TBC1D19: variants seen among roughly 807,000 people sequenced by gnomAD.
TBC1D19 encodes the protein TBC1 domain family, member 19.
In TBC1D19, 60 loss-of-function variants were observed where a neutral mutation model predicts 89.0. The ratio of observed to expected loss-of-function variants is 0.67; its 90% confidence interval spans 0.55 to 0.84. The LOEUF is 0.84. Ranked by LOEUF, TBC1D19 falls within the 40% of genes least tolerant of loss-of-function variation. The pLI is 0.00. For missense variants in TBC1D19, 500 were observed against 610.8 expected, an observed-to-expected ratio of 0.82 and a Z score of 1.91; for synonymous variants, 189 against 199.7, an observed-to-expected ratio of 0.95 and a Z score of 0.45.
chr4:26,799,712 C>A, the TBC1D19 span, among the ~76,000 whole-genome samples: 16 of 152,236 alleles, frequency 1.1e-4, no homozygotes, highest in East Asian at 2.9e-3. Context: ...AGGAATAGGC[C>A]CTCACCAAAC....
chr4:26,691,930 G>A (rs1339298633), intron 13 of TBC1D19, among the ~76,000 whole-genome samples: 1 of 152,150 alleles, frequency 6.6e-6, no homozygotes, highest in East Asian at 1.9e-4. Flanking sequence ...TCCTCAGCAG[G>A]AAACTGTAAC....
At chr4:26,707,169 A>G (rs114442814) in intron 13 of TBC1D19, among the ~76,000 whole-genome samples, 194 of 152,008 alleles carry the variant, frequency 1.3e-3, no homozygotes, top group African/African-American at 4.2e-3. Flanking sequence ...AGAATTGTCT[A>G]TATCTCCTTT....
intron 14 of TBC1D19, among the ~76,000 whole-genome samples, chr4:26,719,116 T>A (rs1356669296): frequency 6.6e-6 from 1 of 152,076 alleles, no homozygotes; most frequent in African/African-American, 2.4e-5. Flanking sequence ...TTAGCAAATA[T>A]ACCCTAATGT....
At chr4:26,601,145 A>G (rs1465369850) in intron 1 of TBC1D19, among the ~76,000 whole-genome samples, 1 of 151,524 alleles carries the variant, frequency 6.6e-6, no homozygotes, top group Admixed American at 6.6e-5. Context: ...ATATATATAT[A>G]CATATATACA....
chr4:26,770,738 A>G, the TBC1D19 span, among the ~76,000 whole-genome samples: 23 of 152,212 alleles, frequency 1.5e-4, no homozygotes, highest in African/African-American at 4.1e-4. Context: ...GGTCTCAACA[A>G]TTTTACAAGG....
In TBC1D19 at chr4:26,591,346, C is replaced by T. The variant is rs77822818; in HGVS notation, c.99+7054C>T. 2.0e-5 allele frequency among the ~76,000 whole-genome samples: 3 copies of T among 151,984 alleles called. No homozygotes were observed. In the East Asian group the frequency reaches 5.8e-4, roughly 29 times the overall value. On this transcript the variant is annotated intron_variant, in intron 1 of 20. Transcript: ENST00000264866. ...CAAATTTTAGCACTTATGAATAAAA[C>T]TGCTATAGGGAGCTGAGATCGCACC...
intron 1 of TBC1D19, among the ~76,000 whole-genome samples, chr4:26,590,504 A>G (rs1481244299): frequency 1.3e-5 from 2 of 152,200 alleles, no homozygotes; most frequent in East Asian, 1.9e-4. Flanking sequence ...TTTATTTGCC[A>G]TAAGAGTGTT....
downstream of TBC1D19, among the ~76,000 whole-genome samples, chr4:26,759,185 C>T (rs1205605655): frequency 1.3e-5 from 2 of 152,202 alleles, no homozygotes; most frequent in Non-Finnish European, 1.5e-5. Context: ...CTTTCACTCC[C>T]ACTAGACTGT....
At chr4:26,767,982 G>A in the TBC1D19 span, among the ~76,000 whole-genome samples, 1 of 152,130 alleles carries the variant, frequency 6.6e-6, no homozygotes, top group Non-Finnish European at 1.5e-5. Context: ...GAAGAGATGG[G>A]ATTAGGAGTT....
chr4:26,820,802 T>C, the TBC1D19 span, among the ~76,000 whole-genome samples: 3 of 152,228 alleles, frequency 2.0e-5, no homozygotes, highest in Non-Finnish European at 2.9e-5. Context: ...CTGTTTACTT[T>C]TCACCATAGC....
Position 26,631,930 on chromosome 4 carries a change from G to A in TBC1D19, c.295-5281G>A, listed in dbSNP as rs549402858. ...GTTTTCTCTATATATTACATCTAATGTTAAATTTAGAGTTGGTAAATTGAA... is the reference window on the plus strand; with the variant it reads ...GTTTTCTCTATATATTACATCTAATATTAAATTTAGAGTTGGTAAATTGAA... On this transcript the variant is annotated intron_variant, in intron 4 of 20. Transcript: ENST00000264866. 6.6e-5 allele frequency among the ~76,000 whole-genome samples: 10 copies of A among 152,138 alleles called. No homozygotes were observed. In the South Asian group the frequency reaches 2.1e-3, roughly 32 times the overall value.
At chr4:26,803,418 G>A in the TBC1D19 span, among the ~76,000 whole-genome samples, 1 of 152,062 alleles carries the variant, frequency 6.6e-6, no homozygotes, top group Non-Finnish European at 1.5e-5. Context: ...GGCTTGAATC[G>A]GAACCATTCC....
chr4:26,652,467 T>G (rs1409706746), intron 7 of TBC1D19, among the ~76,000 whole-genome samples: 1 of 152,160 alleles, frequency 6.6e-6, no homozygotes, highest in Non-Finnish European at 1.5e-5. Context: ...CTCGAACTCC[T>G]GGGCTCAAGC....
At chr4:26,812,448 C>T in the TBC1D19 span, among the ~76,000 whole-genome samples, 1 of 152,190 alleles carries the variant, frequency 6.6e-6, no homozygotes, top group Non-Finnish European at 1.5e-5. This position sits in a 1 kb window ranked among gnomAD's most constrained non-coding sequence, Gnocchi z 4.2. Context: ...CACTGCTCAC[C>T]TGGGCATTCC....
At chr4:26,854,596 G>A in the TBC1D19 span, among the ~76,000 whole-genome samples, 17 of 152,316 alleles carry the variant, frequency 1.1e-4, no homozygotes, top group East Asian at 5.8e-4. Flanking sequence ...TCCTTGGAGC[G>A]TGACTTGTTG....
intron 1 of TBC1D19, among the ~76,000 whole-genome samples, chr4:26,604,998 C>T (rs941775275): frequency 3.3e-5 from 5 of 151,962 alleles, no homozygotes; most frequent in African/African-American, 1.2e-4. Context: ...ATTACTGAAT[C>T]ATATGAACTC....
chr4:26,669,770 A>G lies in TBC1D19; in HGVS notation c.665-2379A>G, dbSNP rs138188672. Among the ~76,000 whole-genome samples, 975 of 151,958 alleles carry G rather than the reference A, an allele frequency of 6.4e-3. 9 individuals carry two copies. The highest frequency in any genetic ancestry group is 0.022 in the African/African-American group (934 of 41,550). Reference sequence around the variant, plus strand: ...TTATTCAACTATTCTTTATTCATTCAGTGAAAATTATGAATATAAAACATT... The same window carrying G: ...TTATTCAACTATTCTTTATTCATTCGGTGAAAATTATGAATATAAAACATT... On this transcript the variant is annotated intron_variant, in intron 9 of 20. Transcript: ENST00000264866.
the TBC1D19 span, among the ~76,000 whole-genome samples, chr4:26,782,167 T>A: frequency 5.9e-5 from 9 of 152,124 alleles, no homozygotes; most frequent in African/African-American, 2.2e-4. Context: ...CAGGATGGAC[T>A]CCCCCCAACC....
chr4:26,682,707 C>T (rs111367783), intron 11 of TBC1D19, among the ~76,000 whole-genome samples: 1 of 152,196 alleles, frequency 6.6e-6, no homozygotes, highest in Non-Finnish European at 1.5e-5. Flanking sequence ...CTCTTGTTAG[C>T]ATAACTATTA....
Sources: gnomAD v4.1 joint callset for allele counts (sites outside exome capture counted in the v4.1 genomes callset) on GRCh38, gnomAD v4.1.1 for gene constraint, Gnocchi (gnomAD v3.1) non-coding constraint, MANE v1.5 for transcripts, NCBI Gene and HGNC (gene_info 2026-07-23, HGNC 2026-07-21) for gene names.